RPS6KA3: variants seen among roughly 807,000 people sequenced by gnomAD.
RPS6KA3 encodes ribosomal protein S6 kinase alpha-3.
RPS6KA3 carries 4 observed loss-of-function variants against 67.2 expected under a neutral mutation model. That is an observed-to-expected ratio of 0.06 (90% CI 0.03 to 0.14). RPS6KA3 has a LOEUF of 0.14. RPS6KA3 is among the 10% of genes least tolerant of loss of function. The pLI is 1.00. For missense variants in RPS6KA3, 204 were observed against 559.0 expected (o/e 0.36, Z 6.40); for synonymous variants, 182 against 183.7 (o/e 0.99, Z 0.07).
At chrX:20,192,221 C>T (rs867409975) in intron 7 of RPS6KA3, among the ~76,000 whole-genome samples, 5 of 111,273 alleles carry the variant, frequency 4.5e-5, no homozygotes, top group Admixed American at 9.6e-5. Flanking sequence ...GAAGTGTGTA[C>T]AATTTAAATA....
intron 10 of RPS6KA3, among the ~76,000 whole-genome samples, chrX:20,178,216 A>C (rs2067746746): frequency 9.0e-6 from 1 of 110,811 alleles, no homozygotes; most frequent in Non-Finnish European, 1.9e-5. Flanking sequence ...AAGAGTGACA[A>C]GGGAACAGTA....
chrX:20,244,695 T>C (rs2069639223), intron 1 of RPS6KA3, among the ~76,000 whole-genome samples: 1 of 112,760 alleles, frequency 8.9e-6, no homozygotes, highest in Admixed American at 9.4e-5. Context: ...AATGCTGTTA[T>C]ACTGCTGTTA....
At position 20,150,748 on chromosome X, in the gene RPS6KA3, C is replaced by T. The variant is rs779257454; in HGVS notation, c.*4650G>A. On this transcript the variant is annotated 3_prime_UTR_variant, in exon 22 of 22. Transcript: ENST00000379565. ...ATTATAGCGACTCTCTTCTCATATA[C>T]GTTTACATATACTCTACTCATGGTA... 22 of 112,397 alleles carry T rather than the reference C, an allele frequency of 2.0e-4. No homozygotes were observed. The highest frequency in any genetic ancestry group is 7.1e-4 in the African/African-American group (22 of 30,904). The allele number at this position is 112,397 out of a possible 1,213,427, so 9.3% of individuals were successfully genotyped here. A position where few individuals can be genotyped will look rare whatever the true frequency, so the allele number is the denominator to read the frequency against.
At chrX:20,182,390 T>G (rs1401603080) in intron 10 of RPS6KA3, among the ~76,000 whole-genome samples, 1 of 112,254 alleles carries the variant, frequency 8.9e-6, no homozygotes, top group Admixed American at 9.5e-5. Context: ...TTTGTTCATT[T>G]TCTTTGTTGT....
At chrX:20,235,671 A>G (rs776279831) in intron 1 of RPS6KA3, among the ~76,000 whole-genome samples, 1 of 111,716 alleles carries the variant, frequency 9.0e-6, no homozygotes, top group South Asian at 3.7e-4. Context: ...TTCAGTATTA[A>G]CGAGGGTACG....
intron 2 of RPS6KA3, among the ~76,000 whole-genome samples, chrX:20,216,915 G>A (rs1300574238): frequency 8.9e-6 from 1 of 111,842 alleles, no homozygotes; most frequent in Non-Finnish European, 1.9e-5. Flanking sequence ...CTTTTTGTTG[G>A]AAGGCCATTC....
intron 1 of RPS6KA3, among the ~76,000 whole-genome samples, chrX:20,251,135 A>T (rs2069852170): frequency 9.0e-6 from 1 of 111,234 alleles, no homozygotes; most frequent in African/African-American, 3.3e-5. Context: ...TCCTTCTGGC[A>T]TCCATAGATG....
At chrX:20,187,374 T>G (rs893200847) in intron 9 of RPS6KA3, among the ~76,000 whole-genome samples, 26 of 110,691 alleles carry the variant, frequency 2.3e-4, no homozygotes, top group African/African-American at 8.2e-4. Context: ...CAGCTACTTT[T>G]TGTATTTTTA....
chrX:20,163,464 T>C (rs1200660185), intron 18 of RPS6KA3, among the ~76,000 whole-genome samples: 3 of 89,897 alleles, frequency 3.3e-5, no homozygotes, highest in Non-Finnish European at 6.1e-5. Flanking sequence ...AAAAAACCCC[T>C]GATTTCCCCC....
rs1326221563 is a variant in RPS6KA3 at position 20,228,725 on chromosome X, C to T, written c.126+6033G>A. ...CTGGGGGCCTTGAATAAGACTTGCT[C>T]ACCATTAGGATATTCCTCTAAAATC... is the stretch of plus-strand genomic sequence containing the variant. On this transcript the variant is annotated intron_variant, in intron 2 of 21. Transcript: ENST00000379565. 6.3e-5 allele frequency among the ~76,000 whole-genome samples: 7 copies of T among 111,444 alleles called. No homozygotes were observed. The Admixed American group carries it at 6.7e-4, about 11-fold the overall frequency.
intron 16 of RPS6KA3, 27 bp downstream of exon 16, chrX:20,169,375 A>G: frequency 1.1e-6 from 1 of 893,890 alleles, no homozygotes. Context: ...ACTGATTCAA[A>G]TGATCCATAT....
chrX:20,258,366 T>C (rs921601850), intron 1 of RPS6KA3, among the ~76,000 whole-genome samples: 1 of 112,338 alleles, frequency 8.9e-6, no homozygotes, highest in South Asian at 3.6e-4. Flanking sequence ...TGTGAAGAAA[T>C]GAAGTAACAT....
Position 20,266,207 on chromosome X carries a change from C to G in RPS6KA3, c.69+357G>C, listed in dbSNP as rs775252017. Reference sequence around the variant, plus strand: ...AAAGTCGCCAAGGTCCGGGAAAGCCCCCGACCCGGCTGGGCCAAACTTCCC... The same window carrying G: ...AAAGTCGCCAAGGTCCGGGAAAGCCGCCGACCCGGCTGGGCCAAACTTCCC... On this transcript the variant is annotated intron_variant, in intron 1 of 21. Transcript: ENST00000379565. 8.0e-5 allele frequency: 14 copies of G among 175,861 alleles called. No individual in the cohort carries two copies. In the East Asian group the frequency reaches 2.1e-3, roughly 26 times the overall value. 14.5% of individuals were successfully genotyped at this position (175,861 alleles called of 1,213,427 possible).
At chrX:20,259,999 T>C (rs2070181353) in intron 1 of RPS6KA3, among the ~76,000 whole-genome samples, 1 of 111,316 alleles carries the variant, frequency 9.0e-6, no homozygotes, top group South Asian at 3.8e-4. Context: ...AAGGATTACA[T>C]TTCTAGACAG....
At position 20,150,446 on chromosome X, in the gene RPS6KA3, TAA is replaced by T. The variant is rs781415114; in HGVS notation, c.*4950_*4951del. 1.8e-5 allele frequency: 2 copies of T among 112,861 alleles called. No individual in the cohort carries two copies. Among genetic ancestry groups the T allele is most frequent in the South Asian group, 7.2e-4 (2 of 2,779 alleles). 9.3% of individuals were successfully genotyped at this position (112,861 alleles called of 1,213,427 possible). On this transcript the variant is annotated 3_prime_UTR_variant, in exon 22 of 22. Coordinates refer to ENST00000379565, the MANE Select transcript of RPS6KA3 (RefSeq NM_004586.3). The stretch of plus-strand genomic sequence containing the variant: ...ATAAACTAATACACGTATATGATTT[TAA>T]GAGTTAAAAACTCATCACCCATAAT...
intron 10 of RPS6KA3, among the ~76,000 whole-genome samples, chrX:20,184,052 T>TAAAA (rs2067911223): frequency 8.9e-6 from 1 of 112,098 alleles, no homozygotes; most frequent in Non-Finnish European, 1.9e-5. Context: ...TTTACTTTTT[T>TAAAA]ATTTTTTTTA....
chrX:20,250,804 C>T, intron 1 of RPS6KA3, among the ~76,000 whole-genome samples: 1 of 111,697 alleles, frequency 9.0e-6, no homozygotes, highest in Non-Finnish European at 1.9e-5. Context: ...CTATGTGCTT[C>T]AGGGATATTG....
chrX:20,217,556 G>A (rs1011778179), intron 2 of RPS6KA3, among the ~76,000 whole-genome samples: 12 of 112,447 alleles, frequency 1.1e-4, no homozygotes, highest in Non-Finnish European at 2.3e-4. Context: ...TTGAATGCCA[G>A]AAAATATTAC....
In RPS6KA3 at chrX:20,193,528, T is replaced by C. The variant is rs1456120353; in HGVS notation, c.552A>G (p.Leu184=). The C allele has an allele frequency of 8.4e-7, 1 of 1,196,828 alleles. No individual in the cohort carries two copies. Among genetic ancestry groups the C allele is most frequent in the Admixed American group, 2.2e-5 (1 of 46,055 alleles). ...CTCTATAAATTATTCCCAGGCTATG[T>C]AGATGGTCTAAAGCAAGTGCAAGTT... is the stretch of plus-strand genomic sequence containing the variant. ...LAELALALDH[L]HSLGIIYRDL... is the part of the protein sequence containing the mutation. The change falls in exon 7 of 22, where the codon CTA becomes CTG. Residue 184 remains leucine, a synonymous_variant. Transcript: ENST00000379565.
Sources: allele counts gnomAD v4.1 joint callset (sites outside exome capture counted in the v4.1 genomes callset), GRCh38; gene constraint gnomAD v4.1.1; transcripts MANE v1.5; gene names NCBI Gene and HGNC (gene_info 2026-07-23, HGNC 2026-07-21).